NRXN1: variants seen among roughly 807,000 people sequenced by gnomAD.
NRXN1 encodes neurexin-1.
NRXN1 carries 39 observed loss-of-function variants against 150.9 expected under a neutral mutation model. The observed-to-expected ratio is 0.26, with a 90% CI of 0.20 to 0.34. The LOEUF (loss-of-function observed/expected upper bound fraction) is 0.34, where lower values mean the gene tolerates loss of function less well. NRXN1 is among the 10% of genes least tolerant of loss of function. The probability of loss-of-function intolerance (pLI) is 1.00; values close to 1 mark genes in which losing one functional copy is unlikely to be tolerated. For synonymous variants in NRXN1, 924 were observed against 757.0 expected (o/e 1.22, Z -3.62); for missense variants, 1,815 against 1,949.9 (o/e 0.93, Z 1.30).
intron 5 of NRXN1, among the ~76,000 whole-genome samples, chr2:50,861,186 C>T (rs1019745913): frequency 6.6e-6 from 1 of 152,020 alleles, no homozygotes; most frequent in African/African-American, 2.4e-5. Context: ...TGGTACTTGT[C>T]ACCATGGAAT....
At chr2:50,026,106 C>T (rs1688240618) in intron 21 of NRXN1, among the ~76,000 whole-genome samples, 1 of 152,122 alleles carries the variant, frequency 6.6e-6, no homozygotes, top group African/African-American at 2.4e-5. Flanking sequence ...AATACATCAT[C>T]CAAGAAGCAG....
At chr2:50,322,789 T>C (rs2076135819) in intron 17 of NRXN1, among the ~76,000 whole-genome samples, 1 of 152,212 alleles carries the variant, frequency 6.6e-6, no homozygotes, top group Non-Finnish European at 1.5e-5. Flanking sequence ...TGGAGTTAAG[T>C]ATTAAAAGAC....
chr2:50,533,518 G>A (rs2093173092), intron 10 of NRXN1, among the ~76,000 whole-genome samples: 1 of 152,134 alleles, frequency 6.6e-6, no homozygotes, highest in Non-Finnish European at 1.5e-5. Context: ...AAGTCTGCAA[G>A]TCCTAAAGGC....
chr2:50,406,110 T>C (rs998618069), intron 17 of NRXN1, among the ~76,000 whole-genome samples: 15 of 152,080 alleles, frequency 9.9e-5, no homozygotes, highest in Non-Finnish European at 1.9e-4. Flanking sequence ...ACATTTTCAA[T>C]CCCCTATTTT....
chr2:50,120,383 C>A (rs968963200), intron 18 of NRXN1, among the ~76,000 whole-genome samples: 11 of 151,938 alleles, frequency 7.2e-5, no homozygotes, highest in Non-Finnish European at 1.5e-4. Context: ...TATTCTCAGG[C>A]AAAAAGTAGA....
At chr2:50,988,731 A>G (rs1011212156) in intron 2 of NRXN1, among the ~76,000 whole-genome samples, 1 of 151,988 alleles carries the variant, frequency 6.6e-6, no homozygotes, top group South Asian at 2.1e-4. Context: ...CTCCATGCAG[A>G]GAACACAGGC....
intron 2 of NRXN1, among the ~76,000 whole-genome samples, chr2:50,977,978 T>C (rs2104848256): frequency 6.6e-6 from 1 of 151,692 alleles, no homozygotes; most frequent in East Asian, 1.9e-4. Context: ...CTTAGGATTA[T>C]TCTCAGTATT....
In NRXN1 at chr2:50,632,247, T is replaced by A. The variant is rs182157167; in HGVS notation, c.833-8632A>T. On this transcript the variant is annotated intron_variant, in intron 5 of 22. Coordinates refer to ENST00000401669, the MANE Select transcript of NRXN1 (RefSeq NM_001330078.2). ...CTTTCTCCCTAGAATCAGACTGGGGTGGTCTGTAACTCTAAAAATCTATAA... is the reference window on the plus strand; with the variant it reads ...CTTTCTCCCTAGAATCAGACTGGGGAGGTCTGTAACTCTAAAAATCTATAA... The A allele has an allele frequency of 3.3e-5, 5 of 152,026 alleles. No individual in the cohort carries two copies. In the East Asian group the frequency reaches 9.7e-4, roughly 29 times the overall value. The allele number at this position is 152,026 out of a possible 1,614,324, so 9.4% of individuals were successfully genotyped here. A position where few individuals can be genotyped will look rare whatever the true frequency, so the allele number is the denominator to read the frequency against.
chr2:50,558,145 T>A (rs1467881799), intron 8 of NRXN1, among the ~76,000 whole-genome samples: 5 of 152,182 alleles, frequency 3.3e-5, no homozygotes, highest in African/African-American at 1.2e-4. Flanking sequence ...TATAGTAATG[T>A]GTTTAATTCC....
intron 21 of NRXN1, among the ~76,000 whole-genome samples, chr2:49,952,127 G>T (rs989335805): frequency 2.0e-5 from 3 of 151,880 alleles, no homozygotes; most frequent in Non-Finnish European, 4.4e-5. Context: ...GAGATTATCC[G>T]ACTCCCAGTA....
intron 21 of NRXN1, among the ~76,000 whole-genome samples, chr2:49,944,384 T>G (rs2104387771): frequency 6.6e-6 from 1 of 152,342 alleles, no homozygotes; most frequent in Middle Eastern, 3.4e-3. Flanking sequence ...GAAGCTCATT[T>G]TTGTAATGTT....
chr2:50,252,284 G>C (rs1293700182), intron 17 of NRXN1, among the ~76,000 whole-genome samples: 1 of 93,986 alleles, frequency 1.1e-5, no homozygotes, highest in African/African-American at 4.2e-5. Context: ...TTTTGAGACA[G>C]AGTATCCCTC....
intron 5 of NRXN1, among the ~76,000 whole-genome samples, chr2:50,801,438 C>T (rs1249414784): frequency 6.6e-6 from 1 of 152,012 alleles, no homozygotes; most frequent in Non-Finnish European, 1.5e-5. Flanking sequence ...GTGAATATCT[C>T]TTAGAGAAAA....
chr2:50,401,149 C>G (rs1185847216), intron 17 of NRXN1, among the ~76,000 whole-genome samples: 1 of 152,088 alleles, frequency 6.6e-6, no homozygotes, highest in Non-Finnish European at 1.5e-5. Flanking sequence ...ATATTAGATA[C>G]CAAGCGCTTT....
chr2:50,248,997 T>G (rs1243320793), intron 17 of NRXN1, among the ~76,000 whole-genome samples: 1 of 150,818 alleles, frequency 6.6e-6, no homozygotes, highest in Non-Finnish European at 1.5e-5. Context: ...CTTTTTTTTT[T>G]TTTTTTTTAA....
At chr2:50,984,177 G>A (rs1697311107) in intron 2 of NRXN1, among the ~76,000 whole-genome samples, 1 of 124,692 alleles carries the variant, frequency 8.0e-6, no homozygotes, top group Admixed American at 9.5e-5. Context: ...TAGAGATGGG[G>A]TTTCACCATG....
intron 17 of NRXN1, among the ~76,000 whole-genome samples, chr2:50,379,961 C>A (rs1476590793): frequency 6.6e-6 from 1 of 151,950 alleles, no homozygotes; most frequent in African/African-American, 2.4e-5. Context: ...TATAACAATC[C>A]TGATCACAGA....
intron 15 of NRXN1, among the ~76,000 whole-genome samples, chr2:50,475,934 G>A (rs944259206): frequency 2.0e-5 from 3 of 151,938 alleles, no homozygotes; most frequent in Non-Finnish European, 2.9e-5. Flanking sequence ...CTGTGCATGT[G>A]AAGGAGGATA....
At chr2:50,252,811 T>C (rs2067289274) in intron 17 of NRXN1, among the ~76,000 whole-genome samples, 1 of 152,182 alleles carries the variant, frequency 6.6e-6, no homozygotes, top group Admixed American at 6.5e-5. Context: ...TTGGTTACTG[T>C]AGCCTTGTAG....
Sources: gnomAD v4.1 joint callset for allele counts (sites outside exome capture counted in the v4.1 genomes callset) on GRCh38, gnomAD v4.1.1 for gene constraint, MANE v1.5 for transcripts, NCBI Gene and HGNC (gene_info 2026-07-23, HGNC 2026-07-21) for gene names.